CALN1: variants seen among roughly 807,000 people sequenced by gnomAD.
CALN1 encodes the protein calneuron 1.
Under a neutral mutation model 30.6 loss-of-function variants are expected in CALN1, and 17 were observed. The observed-to-expected ratio is 0.56, with a 90% CI of 0.38 to 0.83. The LOEUF is 0.83. CALN1 is among the 40% of genes least tolerant of loss of function. The pLI is 0.00. For synonymous variants in CALN1, 156 were observed against 131.4 expected (o/e 1.19, Z -1.28); for missense variants, 291 against 354.9 (o/e 0.82, Z 1.45).
intron 5 of CALN1, among the ~76,000 whole-genome samples, chr7:71,974,851 G>A (rs1043761402): frequency 4.6e-5 from 7 of 152,136 alleles, no homozygotes; most frequent in South Asian, 2.1e-4. Context: ...GTGCAATTCC[G>A]CTCGGATTAG....
At chr7:72,449,720 A>G (rs183891409), upstream of CALN1, among the ~76,000 whole-genome samples, 1,157 of 151,816 alleles carry the variant, frequency 7.6e-3, 11 homozygotes, top group African/African-American at 0.025. Flanking sequence ...AAAAAACACA[A>G]AAAAATTAGC....
At chr7:72,333,063 T>G (rs539734873) in intron 2 of CALN1, among the ~76,000 whole-genome samples, 2 of 152,174 alleles carry the variant, frequency 1.3e-5, no homozygotes, top group Admixed American at 1.3e-4. Context: ...CACCAAGAAC[T>G]CCAAACTACC....
At position 72,211,564 on chromosome 7, in the gene CALN1, C is replaced by T. The variant is rs573100014; in HGVS notation, c.244+67122G>A. The stretch of plus-strand genomic sequence containing the variant: ...AATGATGATGATCCAAGAAACGACT[C>T]GATAGGTCTGTAGCAAGAATTAAAT... On this transcript the variant is annotated intron_variant, in intron 3 of 6. Transcript: ENST00000395275. Among the ~76,000 whole-genome samples the T allele has an allele frequency of 8.4e-4, 128 of 152,234 alleles. 1 individual carries two copies. The highest frequency in any genetic ancestry group is 6.5e-4 in the Non-Finnish European group (44 of 68,028).
At position 71,932,923 on chromosome 7, in the gene CALN1, C is replaced by A. The variant is rs571892804; in HGVS notation, c.501+90734G>T. 2.6e-5 allele frequency among the ~76,000 whole-genome samples: 4 copies of A among 151,940 alleles called. No homozygotes were observed. The East Asian group carries it at 7.7e-4, about 29-fold the overall frequency. ...TCATAATCACTACTTTTGACAATTCCAGATAGGGCGCATGTCACATTGATG... is the reference window on the plus strand; with the variant it reads ...TCATAATCACTACTTTTGACAATTCAAGATAGGGCGCATGTCACATTGATG... On this transcript the variant is annotated intron_variant, in intron 5 of 6. Coordinates refer to ENST00000395275, the MANE Select transcript of CALN1 (RefSeq NM_031468.4).
chr7:71,864,894 T>A (rs10447536), intron 5 of CALN1, among the ~76,000 whole-genome samples: 28,728 of 151,818 alleles, frequency 0.19, 2,976 homozygotes, highest in Non-Finnish European at 0.23. Flanking sequence ...TACTAGTTGC[T>A]TGGGAAGTTG....
intron 5 of CALN1, among the ~76,000 whole-genome samples, chr7:71,834,624 G>A (rs1230560214): frequency 6.6e-6 from 1 of 152,138 alleles, no homozygotes; most frequent in Non-Finnish European, 1.5e-5. Context: ...AAAATACTCA[G>A]AATATCCTTG....
chr7:72,236,901 G>A (rs1276311237), intron 3 of CALN1, among the ~76,000 whole-genome samples: 1 of 152,138 alleles, frequency 6.6e-6, no homozygotes, highest in African/African-American at 2.4e-5. Context: ...CATACTGGGA[G>A]TCTGCAGAAT....
intron 3 of CALN1, among the ~76,000 whole-genome samples, chr7:72,268,539 C>T (rs1331631522): frequency 6.6e-6 from 1 of 152,150 alleles, no homozygotes; most frequent in Non-Finnish European, 1.5e-5. Context: ...AGCATGGTGG[C>T]TCATGCCTAT....
intron 5 of CALN1, among the ~76,000 whole-genome samples, chr7:71,913,065 T>C (rs1794506620): frequency 2.6e-5 from 4 of 152,124 alleles, no homozygotes; most frequent in Admixed American, 2.6e-4. Flanking sequence ...CTGCGAGTGT[T>C]TATCTACTTC....
intron 3 of CALN1, among the ~76,000 whole-genome samples, chr7:72,271,605 G>C (rs1244029798): frequency 1.1e-5 from 1 of 87,072 alleles, no homozygotes; most frequent in African/African-American, 4.8e-5. Context: ...GTTTTCAGCA[G>C]GCAGGAGATG....
At chr7:72,254,074 G>A (rs987615994) in intron 3 of CALN1, among the ~76,000 whole-genome samples, 1 of 151,970 alleles carries the variant, frequency 6.6e-6, no homozygotes, top group Non-Finnish European at 1.5e-5. Context: ...GCAAACTGAG[G>A]CTCCATTTCT....
At chr7:72,387,856 G>A (rs1805332001) in intron 2 of CALN1, among the ~76,000 whole-genome samples, 1 of 152,160 alleles carries the variant, frequency 6.6e-6, no homozygotes, top group South Asian at 2.1e-4. Flanking sequence ...GAAGTTGAAA[G>A]TAGAACAGTG....
chr7:72,418,843 TC>T (rs1422604909), intron 1 of CALN1, among the ~76,000 whole-genome samples: 2 of 152,114 alleles, frequency 1.3e-5, no homozygotes, highest in Non-Finnish European at 2.9e-5. Context: ...AGACCCCGTC[TC>T]TACCAAAAAA....
chr7:72,284,821 GGATA>G (rs368097360), intron 2 of CALN1, among the ~76,000 whole-genome samples: 187 of 152,116 alleles, frequency 1.2e-3, no homozygotes, highest in East Asian at 2.3e-3. Context: ...GATAGATTAA[GGATA>G]GATAGATAGA....
At chr7:71,997,896 C>T (rs1316813796) in intron 5 of CALN1, among the ~76,000 whole-genome samples, 2 of 152,132 alleles carry the variant, frequency 1.3e-5, no homozygotes, top group Non-Finnish European at 2.9e-5. Flanking sequence ...TCTCAGCTCA[C>T]TGCAAACTCT....
At chr7:71,864,603 G>C (rs1310005354) in intron 5 of CALN1, among the ~76,000 whole-genome samples, 1 of 152,156 alleles carries the variant, frequency 6.6e-6, no homozygotes, top group Non-Finnish European at 1.5e-5. Flanking sequence ...AGCTTCCCAG[G>C]CAGAGGACCC....
At chr7:71,827,815 G>A (rs1339877830) in intron 5 of CALN1, among the ~76,000 whole-genome samples, 1 of 111,588 alleles carries the variant, frequency 9.0e-6, no homozygotes, top group Non-Finnish European at 1.9e-5. Flanking sequence ...AATAAATAAG[G>A]ACTCCAGGGA....
intron 3 of CALN1, among the ~76,000 whole-genome samples, chr7:72,273,490 A>T (rs545182617): frequency 7.1e-6 from 1 of 141,652 alleles, no homozygotes; most frequent in African/African-American, 2.6e-5. Flanking sequence ...TAAAGTGAAG[A>T]AGGCAAGATT....
chr7:72,352,823 G>C (rs1803005468), intron 2 of CALN1, among the ~76,000 whole-genome samples: 1 of 152,018 alleles, frequency 6.6e-6, no homozygotes, highest in East Asian at 1.9e-4. Flanking sequence ...ACAGAAAAAT[G>C]AAATAAAACA....
Sources: gnomAD v4.1 joint callset for allele counts (sites outside exome capture counted in the v4.1 genomes callset) on GRCh38, gnomAD v4.1.1 for gene constraint, MANE v1.5 for transcripts, NCBI Gene and HGNC (gene_info 2026-07-23, HGNC 2026-07-21) for gene names.